TTC23: variants seen among roughly 807,000 people sequenced by gnomAD.
TTC23 encodes the protein tetratricopeptide repeat protein 23.
TTC23 carries 58 observed loss-of-function variants against 55.1 expected under a neutral mutation model. That is an observed-to-expected ratio of 1.05 (90% CI 0.85 to 1.31). The LOEUF (loss-of-function observed/expected upper bound fraction) is 1.31. Among genes scored for constraint, TTC23 ranks in the 50% most tolerant of loss-of-function variants. The probability of loss-of-function intolerance (pLI) is 0.00; values close to 1 mark genes in which losing one functional copy is unlikely to be tolerated. For missense variants in TTC23, 516 were observed against 534.4 expected, an observed-to-expected ratio of 0.97 and a Z score of 0.34; for synonymous variants, 203 against 199.9, an observed-to-expected ratio of 1.02 and a Z score of -0.13.
intron 10 of TTC23, among the ~76,000 whole-genome samples, chr15:99,171,935 C>T (rs926031560): frequency 6.6e-6 from 1 of 152,134 alleles, no homozygotes; most frequent in African/African-American, 2.4e-5. Flanking sequence ...AAGTCACCCC[C>T]TTTCCCAATT....
At chr15:99,247,146 CAATG>C (rs1375045655) in intron 1 of TTC23, among the ~76,000 whole-genome samples, 1 of 152,174 alleles carries the variant, frequency 6.6e-6, no homozygotes, top group African/African-American at 2.4e-5. Context: ...TGAATGACTA[CAATG>C]AATAAGACAG....
intron 6 of TTC23, among the ~76,000 whole-genome samples, chr15:99,220,470 T>C (rs1471210754): frequency 6.6e-6 from 1 of 152,206 alleles, no homozygotes; most frequent in Non-Finnish European, 1.5e-5. Context: ...TCAGATCAGC[T>C]ACTTATTAAC....
At chr15:99,193,363 G>C (rs1237120641) in intron 9 of TTC23, among the ~76,000 whole-genome samples, 1 of 152,172 alleles carries the variant, frequency 6.6e-6, no homozygotes, top group Non-Finnish European at 1.5e-5. Flanking sequence ...GGAGGGATCT[G>C]GTGGGAGATA....
chr15:99,221,290 C>T (rs973718161), intron 6 of TTC23, among the ~76,000 whole-genome samples: 6 of 152,136 alleles, frequency 3.9e-5, no homozygotes, highest in Non-Finnish European at 8.8e-5. Flanking sequence ...AATTTTTTCC[C>T]TTGAATTTTT....
chr15:99,222,193 A>G (rs527647099), intron 5 of TTC23, among the ~76,000 whole-genome samples: 4 of 152,320 alleles, frequency 2.6e-5, no homozygotes, highest in Non-Finnish European at 4.4e-5. Flanking sequence ...CTGCCCACCA[A>G]TGAACAGCTA....
At chr15:99,161,061 GA>G (rs2071308861) in intron 11 of TTC23, 1 of 150,772 alleles carries the variant, frequency 6.6e-6, no homozygotes, top group South Asian at 2.1e-4. Context: ...AAGTAAACAG[GA>G]CTTAGGTGCG....
chr15:99,161,189 T>TACACAC (rs920230956), intron 11 of TTC23: 1 of 151,954 alleles, frequency 6.6e-6, no homozygotes, highest in Non-Finnish European at 1.5e-5. Context: ...TATTAATATG[T>TACACAC]ACACACACAC....
Position 99,221,843 on chromosome 15 carries a change from G to C in TTC23, c.202C>G (p.Leu68Val). ...CTTGTCAGTGCTACGCAACGCACAA[G>C]CTCATGGACGGCCTGTTTGTACTGT... ...SHEYKQAVHE[L>V]VRCVALTRIC... is the part of the protein sequence containing the mutation. Residue 68 changes from leucine (L) to valine (V), a missense_variant, in exon 6 of 14, where the codon CTT becomes GTT. Physicochemically the swap from Leu to Val is conservative, Grantham distance 32 (BLOSUM62 1). Transcript: ENST00000394132. 1 of 1,614,152 alleles carries C rather than the reference G, an allele frequency of 6.2e-7. No individual in the cohort carries two copies.
chr15:99,178,952 G>C (rs184655229), intron 9 of TTC23, among the ~76,000 whole-genome samples: 3 of 152,262 alleles, frequency 2.0e-5, no homozygotes, highest in African/African-American at 7.2e-5. Flanking sequence ...CTACCTGCAG[G>C]GACCTTGAGG....
chr15:99,227,979 T>TC (rs2078602689), intron 5 of TTC23, among the ~76,000 whole-genome samples: 1 of 152,140 alleles, frequency 6.6e-6, no homozygotes, highest in Non-Finnish European at 1.5e-5. Context: ...CCATTATCTG[T>TC]CCCCCGTCTA....
intron 10 of TTC23, among the ~76,000 whole-genome samples, chr15:99,165,584 A>G (rs2071965510): frequency 6.6e-6 from 1 of 152,148 alleles, no homozygotes; most frequent in African/African-American, 2.4e-5. Context: ...GGCAGAAATC[A>G]ATTGAACTGG....
intron 10 of TTC23, among the ~76,000 whole-genome samples, chr15:99,172,534 A>G (rs1215590116): frequency 6.6e-6 from 1 of 152,192 alleles, no homozygotes; most frequent in Non-Finnish European, 1.5e-5. Context: ...ATAACATGAC[A>G]TGGCATAAAG....
chr15:99,170,077 G>C (rs531576499), intron 10 of TTC23, among the ~76,000 whole-genome samples: 26 of 152,286 alleles, frequency 1.7e-4, no homozygotes, highest in African/African-American at 5.5e-4. Context: ...CACTTAGCAG[G>C]GCTGGGAAAG....
chr15:99,212,593 C>A (rs946946777), intron 8 of TTC23, among the ~76,000 whole-genome samples: 2 of 152,120 alleles, frequency 1.3e-5, no homozygotes, highest in Admixed American at 6.5e-5. Context: ...GCATGAGTCA[C>A]CCCGCGGCAC....
intron 2 of TTC23, among the ~76,000 whole-genome samples, chr15:99,242,236 A>C (rs2079873497): frequency 6.6e-6 from 1 of 152,150 alleles, no homozygotes; most frequent in Admixed American, 6.5e-5. Flanking sequence ...ATGTAAGCTA[A>C]CGCACTGGAA....
chr15:99,155,495 C>G (rs532386515), intron 12 of TTC23: 2 of 152,100 alleles, frequency 1.3e-5, no homozygotes, highest in Non-Finnish European at 2.9e-5. Context: ...ACCTGATATT[C>G]TAGTAAAAGA....
chr15:99,173,350 G>A lies in TTC23; in HGVS notation c.865+1700C>T, dbSNP rs147325814. 7.2e-5 allele frequency among the ~76,000 whole-genome samples: 11 copies of A among 152,278 alleles called. 1 individual carries two copies. The East Asian group carries it at 2.1e-3, about 29-fold the overall frequency. Reference sequence around the variant, plus strand: ...TCATGCCTGTTATCCCAGAGTTTTGGGAAGCCAAGATGGGAGGGTAGCCTA... The same window carrying A: ...TCATGCCTGTTATCCCAGAGTTTTGAGAAGCCAAGATGGGAGGGTAGCCTA... On this transcript the variant is annotated intron_variant, in intron 10 of 13. Coordinates refer to ENST00000394132, the MANE Select transcript of TTC23 (RefSeq NM_001288615.3).
Position 99,138,000 on chromosome 15 carries a change from G to C in TTC23, c.*10C>G. ...CCAGGAATGTCCTAGGCTTTTTCAG[G>C]GTGGGGGCCTCAGTCTGCTGTTGTG... On this transcript the variant is annotated 3_prime_UTR_variant, in exon 14 of 14. Coordinates refer to ENST00000394132, the MANE Select transcript of TTC23 (RefSeq NM_001288615.3). 1 of 1,614,068 alleles carries C rather than the reference G, an allele frequency of 6.2e-7. No homozygotes were observed. Among genetic ancestry groups the C allele is most frequent in the Non-Finnish European group, 8.5e-7 (1 of 1,180,002 alleles).
chr15:99,158,454 A>G (rs2070912849), intron 11 of TTC23: 1 of 152,246 alleles, frequency 6.6e-6, no homozygotes, highest in South Asian at 2.1e-4. Flanking sequence ...GGAAACTGAG[A>G]TAGTATCAAC....
Sources: allele counts gnomAD v4.1 joint callset (sites outside exome capture counted in the v4.1 genomes callset), GRCh38; gene constraint gnomAD v4.1.1; transcripts MANE v1.5; gene names NCBI Gene and HGNC (gene_info 2026-07-23, HGNC 2026-07-21).